SHANK1: variants seen among roughly 807,000 people sequenced by gnomAD.
SHANK1 encodes the protein SH3 and multiple ankyrin repeat domains 1, also known as SH3 and multiple ankyrin repeat domains protein 1.
SHANK1 carries 35 observed loss-of-function variants against 165.6 expected under a neutral mutation model. The observed-to-expected ratio is 0.21, with a 90% confidence interval of 0.16 to 0.28. The LOEUF is 0.28. Ranked by LOEUF, SHANK1 falls within the 10% of genes least tolerant of loss-of-function variation. The probability of loss-of-function intolerance (pLI) is 1.00; values close to 1 mark genes in which losing one functional copy is unlikely to be tolerated. For synonymous variants in SHANK1, 1,428 were observed against 1,384.8 expected (o/e 1.03, Z -0.69); for missense variants, 2,681 against 3,036.4 (o/e 0.88, Z 2.75).
At chr19:50,665,277 G>A (rs1985433236) in intron 23 of SHANK1, among the ~76,000 whole-genome samples, 1 of 152,094 alleles carries the variant, frequency 6.6e-6, no homozygotes, top group Non-Finnish European at 1.5e-5. Flanking sequence ...AGAAAAAATG[G>A]CCAGGGCCAG....
chr19:50,704,237 G>C (rs375978974), intron 9 of SHANK1, 51 bp from the exon 10 acceptor site: 1 of 1,573,538 alleles, frequency 6.4e-7, no homozygotes, highest in Non-Finnish European at 8.7e-7. Context: ...AGGCAGCAGA[G>C]AGAGGGCAGG....
chr19:50,686,350 G>C lies in SHANK1; in HGVS notation c.2464C>G (p.Leu822Val), dbSNP rs779708273. Residue 822 changes from leucine to valine, a missense_variant, in exon 21 of 24, where the codon CTG (leucine) becomes GTG (valine). Coordinates refer to ENST00000293441, the MANE Select transcript of SHANK1 (RefSeq NM_016148.5). The surrounding 1 kb of genome is among the most constrained non-coding windows in gnomAD (Gnocchi z 5.7). ...TGAGCTGCGGCCAGGATTTCGTCCA[G>C]TTTGTCTAGGGGTAGATGAATGAAC... ...RTVYQMALNKLDEILAAAQQT... is the reference protein window; with the variant it reads ...RTVYQMALNKVDEILAAAQQT... 2 of 1,595,774 alleles carry C rather than the reference G, an allele frequency of 1.3e-6. No homozygotes were observed. The highest frequency in any genetic ancestry group is 2.7e-5 in the African/African-American group (2 of 74,090).
chr19:50,681,660 A>T (rs926901720), intron 21 of SHANK1, among the ~76,000 whole-genome samples: 3 of 152,154 alleles, frequency 2.0e-5, no homozygotes, highest in African/African-American at 7.2e-5. Flanking sequence ...AGAGATTTAC[A>T]CTCAGTCTGA....
At position 50,702,662 on chromosome 19, in the gene SHANK1, T is replaced by C; in HGVS notation, c.1554-2A>G. On this transcript the variant is annotated splice_acceptor_variant, in intron 11 of 23. Transcript: ENST00000293441. LOFTEE classifies it high-confidence loss of function. The surrounding 1 kb of genome is among the most constrained non-coding windows in gnomAD (Gnocchi z 5.3). ...CCTTCCCGGGGTGTCCCGCTGGAGC[T>C]GCGTACACAGAGGGCATGAGAGGAG... is the stretch of plus-strand genomic sequence containing the variant. The C allele has an allele frequency of 6.5e-7, 1 of 1,543,344 alleles. No homozygotes were observed. The highest frequency in any genetic ancestry group is 8.7e-7 in the Non-Finnish European group (1 of 1,145,310).
intron 21 of SHANK1, among the ~76,000 whole-genome samples, chr19:50,673,481 A>G (rs982228526): frequency 4.6e-5 from 7 of 152,078 alleles, no homozygotes; most frequent in Non-Finnish European, 8.8e-5. Context: ...TTATTGTCAC[A>G]GTTCCTTTTC....
chr19:50,687,032 AG>A (rs1220401042), intron 19 of SHANK1: 5 of 1,484,946 alleles, frequency 3.4e-6, no homozygotes, highest in Admixed American at 2.5e-5. Context: ...TTCTTCTTCC[AG>A]GGGGAGACTA....
rs952062357 is a variant in SHANK1, at chr19:50,667,614, G to T, written c.4346C>A (p.Pro1449Gln). The T allele has an allele frequency of 3.5e-6, 5 of 1,439,630 alleles. No homozygotes were observed. The East Asian group carries it at 8.0e-5, about 23-fold the overall frequency. The allele number at this position is 1,439,630 out of a possible 1,614,324, so 89.2% of individuals were successfully genotyped here. Residue 1449 changes from proline (P) to glutamine (Q), a missense_variant, in exon 23 of 24, where the codon CCG becomes CAG. By Grantham distance (76) the Pro-to-Gln change is moderately conservative. Coordinates refer to ENST00000293441, the MANE Select transcript of SHANK1 (RefSeq NM_016148.5). This position sits in a 1 kb window ranked among gnomAD's most constrained non-coding sequence, Gnocchi z 5.7. ...GGGCCCCACCCCGGGAGCGGTGGGC[G>T]GCAGGCGGTGTAGCAGGGAACGCCG... ...AARRSLLHRL[P>Q]PTAPGVGPLL...
At chr19:50,715,932 A>G (rs911709397) in intron 3 of SHANK1, among the ~76,000 whole-genome samples, 1 of 152,116 alleles carries the variant, frequency 6.6e-6, no homozygotes, top group Non-Finnish European at 1.5e-5. Flanking sequence ...GTATTATGGT[A>G]TATGTGCACT....
intron 21 of SHANK1, among the ~76,000 whole-genome samples, chr19:50,681,673 C>A (rs191255424): frequency 1.7e-4 from 26 of 152,290 alleles, no homozygotes; most frequent in Admixed American, 1.3e-4. Flanking sequence ...CAGTCTGATA[C>A]GCTATTGTGG....
rs1228396156 is a variant in SHANK1 at position 50,711,361 on chromosome 19, C to T, written c.1077+10G>A. The T allele has an allele frequency of 1.1e-5, 17 of 1,549,982 alleles. No homozygotes were observed. Among genetic ancestry groups the T allele is most frequent in the Non-Finnish European group, 1.4e-5 (16 of 1,145,184 alleles). On this transcript the variant is annotated intron_variant, in intron 8 of 23. Transcript: ENST00000293441. ...TGTGAGGGGCCTGGGGTGGCCGCTG[C>T]TAGGCAGACCTTGTTGTAGAGGGCG...
chr19:50,704,033 C>G, intron 10 of SHANK1, 87 bp downstream of exon 10: 1 of 1,394,652 alleles, frequency 7.2e-7, no homozygotes, highest in Non-Finnish European at 1.0e-6. Context: ...TCCTGGCCCC[C>G]AAGTCAGGTC....
Position 50,697,626 on chromosome 19 carries a change from A to G in SHANK1, c.1900T>C (p.Tyr634His). 1 of 1,614,082 alleles carries G rather than the reference A, an allele frequency of 6.2e-7. No homozygotes were observed. Among genetic ancestry groups the G allele is most frequent in the Non-Finnish European group, 8.5e-7 (1 of 1,179,998 alleles). ...AAGCTGTCGTAGGAGCCCACGGTAT[A>G]ATGCCGGAAGAGTCTCTTTGCCTTG... ...SDKAKRLFRH[Y>H]TVGSYDSFDA... Residue 634 changes from tyrosine (Y) to histidine (H), a missense_variant, in exon 14 of 24, where the codon TAT becomes CAT. Coordinates refer to ENST00000293441, the MANE Select transcript of SHANK1 (RefSeq NM_016148.5). The surrounding 1 kb of genome is among the most constrained non-coding windows in gnomAD (Gnocchi z 4.7).
chr19:50,666,529 C>A lies in SHANK1; in HGVS notation c.5431G>T (p.Val1811Leu). 1 of 1,591,168 alleles carries A rather than the reference C, an allele frequency of 6.3e-7. No individual in the cohort carries two copies. The highest frequency in any genetic ancestry group is 8.5e-7 in the Non-Finnish European group (1 of 1,171,754). Residue 1811 changes from valine to leucine, a missense_variant, in exon 23 of 24, where the codon GTG becomes TTG. Around this residue, in one of 10 missense-constraint regions of SHANK1, gnomAD observed 1,713 missense variants for 1,630.2 expected, o/e 1.05. Transcript: ENST00000293441. Reference sequence around the variant, plus strand: ...TCTACAGCCACCGGACCCCCCGCCACGCCTGCCGTGGGGGGTCCTGAACAA... The same window carrying A: ...TCTACAGCCACCGGACCCCCCGCCAAGCCTGCCGTGGGGGGTCCTGAACAA... ...RACSGPPTAGVAGGPVAVEPE... is the reference protein window; with the variant it reads ...RACSGPPTAGLAGGPVAVEPE...
rs200537466 is a variant in SHANK1, at chr19:50,716,902, C to T, written c.18G>A (p.Ala6=). The T allele has an allele frequency of 2.4e-5, 35 of 1,447,794 alleles. No homozygotes were observed. Among genetic ancestry groups the T allele is most frequent in the East Asian group, 7.6e-5 (3 of 39,272 alleles). The allele number at this position is 1,447,794 out of a possible 1,614,324, so 89.7% of individuals were successfully genotyped here. A position where few individuals can be genotyped will look rare whatever the true frequency, so the allele number is the denominator to read the frequency against. The change falls in exon 2 of 24, where the codon GCG becomes GCA. Residue 6 remains alanine (A), a synonymous_variant. Transcript: ENST00000293441. This position sits in a 1 kb window ranked among gnomAD's most constrained non-coding sequence, Gnocchi z 8.4. Reference sequence around the variant, plus strand: ...TGTGGCGTTCCTCGTCCTCGCTTGTCGCGGGGCTGTGGGTCATTGTGGGGC... The same window carrying T: ...TGTGGCGTTCCTCGTCCTCGCTTGTTGCGGGGCTGTGGGTCATTGTGGGGC... The part of the protein sequence containing the change: MTHSP[A]TSEDEERHSA...
intron 21 of SHANK1, among the ~76,000 whole-genome samples, chr19:50,673,142 G>A (rs914036198): frequency 2.0e-5 from 3 of 152,050 alleles, no homozygotes; most frequent in South Asian, 2.1e-4. Flanking sequence ...CACTAAAGCC[G>A]GGGTGCCCAG....
chr19:50,662,421 C>A lies in SHANK1; in HGVS notation c.6030G>T (p.Lys2010Asn), dbSNP rs769604924. 1.3e-6 allele frequency: 2 copies of A among 1,562,150 alleles called. No homozygotes were observed. Among genetic ancestry groups the A allele is most frequent in the East Asian group, 4.5e-5 (2 of 43,962 alleles). Reference sequence around the variant, plus strand: ...ACGAGGGCCTGGGCGCAGGGCTGACCTTGTGCTCCGAGGCGGGCAGCAGCG... The same window carrying A: ...ACGAGGGCCTGGGCGCAGGGCTGACATTGTGCTCCGAGGCGGGCAGCAGCG... Reference protein sequence around the residue: ...SPSLLPASEHKVSPAPRPSSL... With the variant: ...SPSLLPASEHNVSPAPRPSSL... The change falls in exon 24 of 24, where the codon AAG becomes AAT. Residue 2010 changes from lysine to asparagine, a missense_variant. Around this residue, in one of 10 missense-constraint regions of SHANK1, gnomAD observed 1,713 missense variants for 1,630.2 expected, o/e 1.05. Transcript: ENST00000293441. This position sits in a 1 kb window ranked among gnomAD's most constrained non-coding sequence, Gnocchi z 7.7.
rs549491690 is a variant in SHANK1, at chr19:50,665,894, G to A, written c.5768+298C>T. ...ACTAAAAATACAAAATTAGCTGGGTGTGGTGGCATGGGAGGCTGAGGCAGG... is the reference window on the plus strand; with the variant it reads ...ACTAAAAATACAAAATTAGCTGGGTATGGTGGCATGGGAGGCTGAGGCAGG... On this transcript the variant is annotated intron_variant, in intron 23 of 23. Transcript: ENST00000293441. Among the ~76,000 whole-genome samples, 8 of 114,320 alleles carry A rather than the reference G, an allele frequency of 7.0e-5. No individual in the cohort carries two copies. In the South Asian group the frequency reaches 1.5e-3, roughly 21 times the overall value. 75.0% of individuals were successfully genotyped at this position (114,320 alleles called of 152,430 possible).
rs199809614 is a variant in SHANK1 at position 50,662,031 on chromosome 19, T to C, written c.6420A>G (p.Leu2140=). ...TGCGGTGGCCCACCCTGGTCACACC[T>C]AGATCGACGTAGTCCTCCTTGGTCA... ...PALTKEDYVD[L]GVTRVGHRMN... Residue 2140 remains leucine, a synonymous_variant, in exon 24 of 24, where the codon CTA becomes CTG. Transcript: ENST00000293441. This position sits in a 1 kb window ranked among gnomAD's most constrained non-coding sequence, Gnocchi z 7.7. 86 of 1,614,124 alleles carry C rather than the reference T, an allele frequency of 5.3e-5. No homozygotes were observed. The African/African-American group carries it at 8.7e-4, about 16-fold the overall frequency.
chr19:50,671,713 G>A (rs1568429608), intron 22 of SHANK1, among the ~76,000 whole-genome samples: 1 of 151,972 alleles, frequency 6.6e-6, no homozygotes, highest in Admixed American at 6.6e-5. Context: ...GATGGAATCG[G>A]GTATAAGAGA....
Sources: gnomAD v4.1 joint callset for allele counts (sites outside exome capture counted in the v4.1 genomes callset) on GRCh38, gnomAD v4.1.1 for gene constraint, gnomAD v4.1.1 regional missense constraint, Gnocchi (gnomAD v3.1) non-coding constraint, MANE v1.5 for transcripts, NCBI Gene and HGNC (gene_info 2026-07-23, HGNC 2026-07-21) for gene names.